BAD: variants seen among roughly 807,000 people sequenced by gnomAD.
The protein encoded by BAD is BCL2 associated agonist of cell death.
Under a neutral mutation model 17.8 loss-of-function variants are expected in BAD, and 18 were observed. The ratio of observed to expected loss-of-function variants is 1.01; its 90% CI spans 0.70 to 1.50. BAD has a LOEUF of 1.50. Among genes scored for constraint, BAD ranks in the 40% most tolerant of loss-of-function variants. BAD has a pLI of 0.00. For synonymous variants in BAD, 112 were observed against 91.5 expected, an observed-to-expected ratio of 1.22 and a Z score of -1.28; for missense variants, 294 against 239.3, an observed-to-expected ratio of 1.23 and a Z score of -1.51.
At chr11:64,270,808 T>TA in intron 3 of BAD, 1 of 392,922 alleles carries the variant, frequency 2.5e-6, no homozygotes, top group Non-Finnish European at 5.1e-6. Flanking sequence ...GGAGCACAAA[T>TA]ACCAGCATGC....
chr11:64,273,030 AGCCTAG>A (rs2032755574), intron 2 of BAD, among the ~76,000 whole-genome samples: 1 of 152,132 alleles, frequency 6.6e-6, no homozygotes, highest in African/African-American at 2.4e-5. Context: ...GTTCGAGACC[AGCCTAG>A]GCAACATTGC....
chr11:64,275,284 G>A (rs2032975393), intron 2 of BAD, among the ~76,000 whole-genome samples: 1 of 152,146 alleles, frequency 6.6e-6, no homozygotes, highest in African/African-American at 2.4e-5. Flanking sequence ...AGGGGCAGGA[G>A]AGCCGGGAAC....
rs545545218 is a variant in BAD at position 64,270,292 on chromosome 11, G to T, written c.424C>A (p.Arg142=). The change falls in exon 4 of 4, where the codon CGG becomes AGG. Residue 142 remains arginine (R), a synonymous_variant. Coordinates refer to ENST00000309032, the MANE Select transcript of BAD (RefSeq NM_032989.3). ...PKSAGTATQM[R]QSSSWTRVFQ... ...ACTCGCGTCCAGCTGGAGCTTTGCCGCATCTGCGTTGCTGTGCCCGCGCTC... is the reference window on the plus strand; with the variant it reads ...ACTCGCGTCCAGCTGGAGCTTTGCCTCATCTGCGTTGCTGTGCCCGCGCTC... 222 of 1,584,020 alleles carry T rather than the reference G, an allele frequency of 1.4e-4. 1 individual carries two copies. In the South Asian group the frequency reaches 2.2e-3, roughly 16 times the overall value.
intron 2 of BAD, 29 bp from the exon 3 acceptor site, chr11:64,271,832 A>C: frequency 2.9e-6 from 4 of 1,360,664 alleles, no homozygotes; most frequent in Non-Finnish European, 3.8e-6. Flanking sequence ...TAGGGGGGCG[A>C]CGTTAATCTC....
intron 2 of BAD, among the ~76,000 whole-genome samples, chr11:64,274,604 C>T (rs190025398): frequency 1.8e-3 from 269 of 152,014 alleles, no homozygotes; most frequent in Admixed American, 6.5e-3. Flanking sequence ...AGGTGGATCA[C>T]GAGGTCAGGA....
chr11:64,273,246 G>T (rs998664462), intron 2 of BAD, among the ~76,000 whole-genome samples: 1 of 152,132 alleles, frequency 6.6e-6, no homozygotes, highest in Admixed American at 6.6e-5. Context: ...GGTGGTTCAC[G>T]CCTGTAGTCC....
chr11:64,284,178 T>C lies in BAD; in HGVS notation c.187+4A>G. On this transcript the variant is annotated splice_donor_region_variant and intron_variant, in intron 2 of 3. Coordinates refer to ENST00000309032, the MANE Select transcript of BAD (RefSeq NM_032989.3). ...CCGGCAGGTGGAGGTGGTGGGGTAC[T>C]TACCTCCATGATGGCTGCTGCTGGT... 6.3e-7 allele frequency: 1 copy of C among 1,587,318 alleles called. No individual in the cohort carries two copies. Among genetic ancestry groups the C allele is most frequent in the Non-Finnish European group, 8.6e-7 (1 of 1,166,792 alleles).
At chr11:64,276,676 G>C in intron 2 of BAD, 1 of 528,388 alleles carries the variant, frequency 1.9e-6, no homozygotes, top group Non-Finnish European at 3.4e-6. Flanking sequence ...AAACCCTGGG[G>C]GAGTGTCTGT....
intron 2 of BAD, among the ~76,000 whole-genome samples, chr11:64,281,390 C>A (rs1334617095): frequency 9.2e-5 from 14 of 152,362 alleles, no homozygotes; most frequent in African/African-American, 3.4e-4. Flanking sequence ...TCAGCTACTT[C>A]TCACCACCTC....
In BAD at chr11:64,270,115, T is replaced by G; in HGVS notation, c.*94A>C. The G allele has an allele frequency of 6.3e-7, 1 of 1,584,428 alleles. No homozygotes were observed. The highest frequency in any genetic ancestry group is 1.1e-5 in the South Asian group (1 of 88,862). On this transcript the variant is annotated 3_prime_UTR_variant, in exon 4 of 4. Coordinates refer to ENST00000309032, the MANE Select transcript of BAD (RefSeq NM_032989.3). Reference sequence around the variant, plus strand: ...CAAAGGAGACAGCACGGATCCTCTTTTTGCATAGGCCTGAGGGAAGTACTT... The same window carrying G: ...CAAAGGAGACAGCACGGATCCTCTTGTTGCATAGGCCTGAGGGAAGTACTT...
intron 2 of BAD, among the ~76,000 whole-genome samples, chr11:64,282,014 C>T (rs1304815844): frequency 3.9e-5 from 6 of 152,304 alleles, no homozygotes; most frequent in South Asian, 2.1e-4. Flanking sequence ...CCACCGCGCC[C>T]GGCCTCTCTT....
At chr11:64,270,419 C>G in intron 3 of BAD, 82 bp from the exon 4 acceptor site, 1 of 1,462,128 alleles carries the variant, frequency 6.8e-7, no homozygotes, top group Non-Finnish European at 9.1e-7. Flanking sequence ...GAGCCTTCCT[C>G]TAAGTGAGAT....
At chr11:64,284,674 C>T, upstream of BAD, 6 of 1,535,474 alleles carry the variant, frequency 3.9e-6, no homozygotes, top group South Asian at 1.2e-5. Context: ...CTGCCGCCTC[C>T]CTCCAGCACC....
intron 2 of BAD, among the ~76,000 whole-genome samples, chr11:64,276,583 C>G (rs1189605560): frequency 6.6e-6 from 1 of 152,190 alleles, no homozygotes; most frequent in Non-Finnish European, 1.5e-5. Flanking sequence ...TGCCTCGGCC[C>G]CCCAAAGTGC....
At chr11:64,270,452 A>C in intron 3 of BAD, 115 bp from the exon 4 acceptor site, 1 of 1,382,858 alleles carries the variant, frequency 7.2e-7, no homozygotes, top group Non-Finnish European at 9.7e-7. Flanking sequence ...AATGAAGGCC[A>C]CAACTCCCAG....
intron 2 of BAD, among the ~76,000 whole-genome samples, chr11:64,273,848 C>G (rs1466776961): frequency 8.4e-6 from 1 of 118,960 alleles, no homozygotes; most frequent in Non-Finnish European, 1.7e-5. Flanking sequence ...CGCCACTGCA[C>G]CCATCTCAAA....
chr11:64,276,663 G>T, intron 2 of BAD: 1 of 498,482 alleles, frequency 2.0e-6, no homozygotes, highest in Non-Finnish European at 3.6e-6. Context: ...TATTTACAGG[G>T]AAAAACCCTG....
At chr11:64,284,692 C>T (rs756252556), upstream of BAD, 198 of 1,535,756 alleles carry the variant, frequency 1.3e-4, no homozygotes, top group Non-Finnish European at 1.7e-4. Context: ...ACCCCGGGCT[C>T]CGGGCCCTAG....
chr11:64,269,944 G>A lies in BAD; in HGVS notation c.*265C>T, dbSNP rs1447773832. The A allele has an allele frequency of 2.8e-6, 2 of 721,388 alleles. No individual in the cohort carries two copies. Among genetic ancestry groups the A allele is most frequent in the Admixed American group, 2.1e-5 (1 of 47,124 alleles). The allele number at this position is 721,388 out of a possible 1,614,324, so 44.7% of individuals were successfully genotyped here. A position where few individuals can be genotyped will look rare whatever the true frequency, so the allele number is the denominator to read the frequency against. On this transcript the variant is annotated 3_prime_UTR_variant, in exon 4 of 4. Coordinates refer to ENST00000309032, the MANE Select transcript of BAD (RefSeq NM_032989.3). ...TAAACCTGGCTCGCGACTTAGCGCA[G>A]GCGCCTGGGGGAAAGCCCGGAGCCT...
Sources: gnomAD v4.1 joint callset for allele counts (sites outside exome capture counted in the v4.1 genomes callset) on GRCh38, gnomAD v4.1.1 for gene constraint, MANE v1.5 for transcripts, NCBI Gene and HGNC (gene_info 2026-07-23, HGNC 2026-07-21) for gene names.